The following FAM135A variants were observed in gnomAD, a reference collection of about 807,000 sequenced individuals.
FAM135A encodes protein FAM135A.
FAM135A carries 79 observed loss-of-function variants against 146.8 expected under a neutral mutation model. That is an observed-to-expected ratio of 0.54 (90% CI 0.45 to 0.65). The LOEUF (loss-of-function observed/expected upper bound fraction) is 0.65, where lower values mean the gene tolerates loss of function less well. Ranked by LOEUF, FAM135A falls within the 30% of genes least tolerant of loss-of-function variation. FAM135A has a pLI of 0.00. For synonymous variants in FAM135A, 562 were observed against 603.6 expected (o/e 0.93, Z 1.01); for missense variants, 1,623 against 1,758.2 (o/e 0.92, Z 1.38).
At chr6:70,539,813 G>C (rs1158478224) in intron 20 of FAM135A, among the ~76,000 whole-genome samples, 1 of 152,024 alleles carries the variant, frequency 6.6e-6, no homozygotes, top group African/African-American at 2.4e-5. Context: ...GGCTAACACG[G>C]TGAAACCCCG....
rs1778497414 is a variant in FAM135A, at chr6:70,456,971, A to T, written c.157+4400A>T. On this transcript the variant is annotated intron_variant, in intron 5 of 21. Coordinates refer to ENST00000418814, the MANE Select transcript of FAM135A (RefSeq NM_001162529.3). The stretch of plus-strand genomic sequence containing the variant: ...TGGTTAACAATAGTTTAGAATTATG[A>T]CTCTGGGCAGGAACCTCAGAATCTA... Among the ~76,000 whole-genome samples the T allele has an allele frequency of 3.3e-5, 5 of 152,042 alleles. No homozygotes were observed. The South Asian group carries it at 1.0e-3, about 32-fold the overall frequency.
intron 4 of FAM135A, among the ~76,000 whole-genome samples, chr6:70,448,264 C>A (rs1387685937): frequency 6.6e-6 from 1 of 152,122 alleles, no homozygotes; most frequent in Non-Finnish European, 1.5e-5. Flanking sequence ...TGAACCTCTC[C>A]CTCCTTTGCC....
In FAM135A at chr6:70,559,755, C is replaced by G; in HGVS notation, c.4382C>G (p.Pro1461Arg). 6.2e-7 allele frequency: 1 copy of G among 1,614,062 alleles called. No homozygotes were observed. ...YSEMIHNLLRPVLQSKDCNLV... is the reference protein window; with the variant it reads ...YSEMIHNLLRRVLQSKDCNLV... Reference sequence around the variant, plus strand: ...GAAATGATCCACAACTTGCTTCGACCCGTTCTGCAAAGCAAGGACTGTAAT... The same window carrying G: ...GAAATGATCCACAACTTGCTTCGACGCGTTCTGCAAAGCAAGGACTGTAAT... Residue 1461 changes from proline (P) to arginine (R), a missense_variant, in exon 22 of 22, where the codon CCC becomes CGC. Around this residue, in one of 7 missense-constraint regions of FAM135A, gnomAD observed 138 missense variants for 174.1 expected, o/e 0.79. Transcript: ENST00000418814.
chr6:70,448,463 G>A (rs564778986), intron 4 of FAM135A, among the ~76,000 whole-genome samples: 23 of 152,246 alleles, frequency 1.5e-4, no homozygotes, highest in African/African-American at 3.6e-4. Context: ...AAGAGTACTC[G>A]AGTGTCCTCC....
At chr6:70,478,456 A>T (rs914399762) in intron 8 of FAM135A, among the ~76,000 whole-genome samples, 1 of 152,162 alleles carries the variant, frequency 6.6e-6, no homozygotes, top group African/African-American at 2.4e-5. Context: ...AAGGGATATG[A>T]TGGTAAACTG....
rs190591677 is a variant in FAM135A at position 70,544,169 on chromosome 6, G to A, written c.4228+5768G>A. 9.9e-5 allele frequency among the ~76,000 whole-genome samples: 15 copies of A among 152,240 alleles called. No homozygotes were observed. In the East Asian group the frequency reaches 2.3e-3, roughly 23 times the overall value. ...TAGGTGCGGAAATATCATAAGCTAG[G>A]TGCGGTAGCTCACACCTGTAATCTC... On this transcript the variant is annotated intron_variant, in intron 20 of 21. Transcript: ENST00000418814.
chr6:70,448,263 C>A (rs1425829695), intron 4 of FAM135A, among the ~76,000 whole-genome samples: 1 of 152,116 alleles, frequency 6.6e-6, no homozygotes, highest in African/African-American at 2.4e-5. Flanking sequence ...ATGAACCTCT[C>A]CCTCCTTTGC....
At chr6:70,520,305 G>C (rs1348704025) in intron 12 of FAM135A, among the ~76,000 whole-genome samples, 1 of 152,024 alleles carries the variant, frequency 6.6e-6, no homozygotes, top group Non-Finnish European at 1.5e-5. Context: ...TTAGTGCAAG[G>C]ACGTAAAAAA....
chr6:70,450,701 G>A (rs183533959), intron 4 of FAM135A, among the ~76,000 whole-genome samples: 111 of 100,196 alleles, frequency 1.1e-3, no homozygotes, highest in African/African-American at 3.8e-3. Flanking sequence ...CTCAGGGAGT[G>A]TGACCCTTTT....
At chr6:70,427,523 CTCTG>C (rs2127764981) in intron 3 of FAM135A, among the ~76,000 whole-genome samples, 1 of 144,420 alleles carries the variant, frequency 6.9e-6, no homozygotes, top group East Asian at 2.0e-4. Flanking sequence ...CAGAGCGAGA[CTCTG>C]TCTCACAAAA....
At chr6:70,541,856 G>A (rs1012693227) in intron 20 of FAM135A, among the ~76,000 whole-genome samples, 1 of 152,188 alleles carries the variant, frequency 6.6e-6, no homozygotes, top group Admixed American at 6.5e-5. Context: ...AACTTAGAAA[G>A]TGTTCTTGAC....
intron 16 of FAM135A, among the ~76,000 whole-genome samples, chr6:70,530,024 A>G (rs1461988349): frequency 6.6e-6 from 1 of 152,182 alleles, no homozygotes; most frequent in South Asian, 2.1e-4. Context: ...AGATCGCGCC[A>G]CTGCACTTCA....
chr6:70,438,668 A>C (rs1773767856), intron 4 of FAM135A, among the ~76,000 whole-genome samples: 1 of 152,176 alleles, frequency 6.6e-6, no homozygotes, highest in South Asian at 2.1e-4. Context: ...AGAAGCTGTA[A>C]AGTGCTTCCC....
intron 12 of FAM135A, among the ~76,000 whole-genome samples, chr6:70,512,533 G>C (rs1791240326): frequency 6.6e-6 from 1 of 151,760 alleles, no homozygotes; most frequent in Non-Finnish European, 1.5e-5. Context: ...GGTGTCGTCA[G>C]TCTTTAACTA....
chr6:70,436,068 C>T (rs1310730535), intron 4 of FAM135A, among the ~76,000 whole-genome samples: 1 of 151,780 alleles, frequency 6.6e-6, no homozygotes, highest in East Asian at 1.9e-4. Flanking sequence ...CCTGCAGTCC[C>T]AACTACTTGG....
At chr6:70,546,015 T>G (rs192186252) in intron 20 of FAM135A, among the ~76,000 whole-genome samples, 1 of 152,282 alleles carries the variant, frequency 6.6e-6, no homozygotes, top group East Asian at 1.9e-4. Context: ...GAAACAAGTC[T>G]CTCGAACTAT....
At chr6:70,532,352 G>A (rs1459716937) in intron 16 of FAM135A, among the ~76,000 whole-genome samples, 1 of 152,084 alleles carries the variant, frequency 6.6e-6, no homozygotes, top group African/African-American at 2.4e-5. Flanking sequence ...TATCTGTATT[G>A]TAAGTATATG....
intron 10 of FAM135A, chr6:70,486,101 A>T (rs1784579392): frequency 1.4e-6 from 2 of 1,424,466 alleles, no homozygotes; most frequent in Non-Finnish European, 1.9e-6. Flanking sequence ...CAAGTTGGAA[A>T]ATTCTAGTAA....
intron 13 of FAM135A, 67 bp from the exon 14 acceptor site, chr6:70,523,900 G>T: frequency 6.6e-7 from 1 of 1,505,642 alleles, no homozygotes; most frequent in East Asian, 2.3e-5. Flanking sequence ...GGAAAGGGTA[G>T]ATTCTACAAA....
Sources: allele counts gnomAD v4.1 joint callset (sites outside exome capture counted in the v4.1 genomes callset), GRCh38; gene constraint gnomAD v4.1.1; regional missense constraint gnomAD v4.1.1; transcripts MANE v1.5; gene names NCBI Gene and HGNC (gene_info 2026-07-23, HGNC 2026-07-21).